Variants in TMED5 observed in about 807,000 individuals in gnomAD.
The protein encoded by TMED5 is transmembrane emp24 domain-containing protein 5.
A neutral mutation model predicts 23.0 loss-of-function variants in TMED5; 27 were observed. The observed-to-expected ratio is 1.17, with a 90% CI of 0.86 to 1.62. The LOEUF (loss-of-function observed/expected upper bound fraction) is 1.62, where lower values mean the gene tolerates loss of function less well. Ranked by LOEUF, TMED5 falls within the 40% of genes most tolerant of loss-of-function variation. The pLI is 0.00. For synonymous variants in TMED5, 97 were observed against 100.8 expected (o/e 0.96, Z 0.23); for missense variants, 248 against 273.7 (o/e 0.91, Z 0.66).
At chr1:93,159,178 T>C (rs1347424529) in intron 2 of TMED5, among the ~76,000 whole-genome samples, 1 of 152,168 alleles carries the variant, frequency 6.6e-6, no homozygotes, top group Non-Finnish European at 1.5e-5. Context: ...CTTACAATAG[T>C]GTTATGTACC....
chr1:93,175,201 A>ATATATATATATATATATAT (rs71094238), intron 1 of TMED5, among the ~76,000 whole-genome samples: 60 of 141,308 alleles, frequency 4.2e-4, no homozygotes, highest in African/African-American at 1.5e-3. Context: ...ATATATATAT[A>ATATATATATATATATATAT]AATGGACCTC....
intron 1 of TMED5, among the ~76,000 whole-genome samples, chr1:93,163,999 C>T (rs996931534): frequency 5.5e-5 from 8 of 145,744 alleles, no homozygotes; most frequent in Non-Finnish European, 9.0e-5. Context: ...AAAAAAAAAG[C>T]CATAATCTGG....
chr1:93,174,161 G>C (rs368636774), intron 1 of TMED5, among the ~76,000 whole-genome samples: 38 of 151,906 alleles, frequency 2.5e-4, no homozygotes, highest in African/African-American at 8.7e-4. Context: ...TTTAAGAGAT[G>C]GTGTTTCACC....
rs542334895 is a variant in TMED5 at position 93,154,111 on chromosome 1, A to T, written c.*559T>A. On this transcript the variant is annotated 3_prime_UTR_variant, in exon 4 of 4. Transcript: ENST00000370282. ...CACTGAAATGTATTTGGTTATAAAA[A>T]TCTCAAAAACCTAATTGTATTTCAA... The T allele has an allele frequency of 8.2e-4, 125 of 152,902 alleles. 2 individuals are homozygous for T. Among genetic ancestry groups the T allele is most frequent in the Non-Finnish European group, 1.5e-4 (10 of 68,144 alleles). 9.5% of individuals were successfully genotyped at this position (152,902 alleles called of 1,614,324 possible). A position where few individuals can be genotyped will look rare whatever the true frequency, so the allele number is the denominator to read the frequency against.
intron 1 of TMED5, among the ~76,000 whole-genome samples, chr1:93,177,447 A>C (rs1648955151): frequency 6.6e-6 from 1 of 151,924 alleles, no homozygotes; most frequent in Non-Finnish European, 1.5e-5. Context: ...GTGTGGTGGC[A>C]CATGCCTGTA....
Position 93,180,314 on chromosome 1 carries a change from A to C in TMED5, c.-72T>G. The C allele has an allele frequency of 6.7e-7, 1 of 1,483,062 alleles. No homozygotes were observed. Among genetic ancestry groups the C allele is most frequent in the South Asian group, 1.3e-5 (1 of 79,854 alleles). The allele number at this position is 1,483,062 out of a possible 1,614,324, so 91.9% of individuals were successfully genotyped here. On this transcript the variant is annotated 5_prime_UTR_variant, in exon 1 of 4. Transcript: ENST00000370282. ...TCTCCGCTCCGCGTTTCCTCTCTGG[A>C]CTCCTCGTGGTTGACAGGGAAATCT...
At chr1:93,177,746 AT>A (rs1387444262) in intron 1 of TMED5, among the ~76,000 whole-genome samples, 8 of 152,146 alleles carry the variant, frequency 5.3e-5, no homozygotes, top group Non-Finnish European at 1.2e-4. Flanking sequence ...ATCTATGAGC[AT>A]TTTTTAATAG....
At chr1:93,167,334 A>T (rs886201939) in intron 1 of TMED5, among the ~76,000 whole-genome samples, 48 of 152,292 alleles carry the variant, frequency 3.2e-4, no homozygotes, top group Middle Eastern at 3.4e-3. Context: ...ATTGCACTGA[A>T]TCTGTAGATT....
intron 1 of TMED5, among the ~76,000 whole-genome samples, chr1:93,179,047 C>A (rs1649092763): frequency 6.6e-6 from 1 of 152,068 alleles, no homozygotes; most frequent in South Asian, 2.1e-4. Context: ...TAATTCCCAG[C>A]AAGAATATTA....
chr1:93,160,364 G>T (rs1392104879), intron 1 of TMED5, 138 bp from the exon 2 acceptor site: 1 of 519,682 alleles, frequency 1.9e-6, no homozygotes, highest in East Asian at 2.9e-5. Flanking sequence ...AGCTAGAAAA[G>T]AACCAAAAGA....
At chr1:93,175,175 T>TTTTATATATATATATATA (rs1553160148) in intron 1 of TMED5, among the ~76,000 whole-genome samples, 1 of 119,872 alleles carries the variant, frequency 8.3e-6, no homozygotes, top group African/African-American at 4.0e-5. Context: ...TAAAAGCCAT[T>TTTTATATATATATATATA]TATATATATA....
At chr1:93,169,868 T>G (rs1648643499) in intron 1 of TMED5, among the ~76,000 whole-genome samples, 1 of 141,310 alleles carries the variant, frequency 7.1e-6, no homozygotes, top group African/African-American at 2.7e-5. Flanking sequence ...GGCAGCAAAG[T>G]GAGACCCTGT....
intron 1 of TMED5, among the ~76,000 whole-genome samples, chr1:93,172,371 T>C (rs1234836003): frequency 1.3e-5 from 2 of 152,010 alleles, no homozygotes; most frequent in Admixed American, 1.3e-4. Flanking sequence ...CAGTATACAA[T>C]ATTAACATAC....
chr1:93,158,955 CTT>C (rs751405344), intron 2 of TMED5: 40 of 569,388 alleles, frequency 7.0e-5, no homozygotes, highest in Non-Finnish European at 8.9e-5. Context: ...CTATTTCTAT[CTT>C]ATTTAGTAAT....
Position 93,156,290 on chromosome 1 carries a change from C to G in TMED5, c.471+10G>C, listed in dbSNP as rs1445016890. 1 of 1,610,156 alleles carries G rather than the reference C, an allele frequency of 6.2e-7. No individual in the cohort carries two copies. Among genetic ancestry groups the G allele is most frequent in the African/African-American group, 1.3e-5 (1 of 74,788 alleles). On this transcript the variant is annotated intron_variant, in intron 3 of 3. Coordinates refer to ENST00000370282, the MANE Select transcript of TMED5 (RefSeq NM_016040.5). Reference sequence around the variant, plus strand: ...TAATAATTTTTATTTTATTAGAAGACCATACTGACCAGGATGTCTTCCAGT... The same window carrying G: ...TAATAATTTTTATTTTATTAGAAGAGCATACTGACCAGGATGTCTTCCAGT...
intron 1 of TMED5, among the ~76,000 whole-genome samples, chr1:93,168,978 A>T (rs1400089891): frequency 6.6e-6 from 1 of 152,186 alleles, no homozygotes; most frequent in East Asian, 1.9e-4. Flanking sequence ...ACAAGAAGAA[A>T]CAGAAAATCA....
chr1:93,163,907 C>T (rs1352118255), intron 1 of TMED5, among the ~76,000 whole-genome samples: 7 of 148,872 alleles, frequency 4.7e-5, no homozygotes, highest in African/African-American at 1.2e-4. Flanking sequence ...TGCTTGAGCC[C>T]GGGAGGCAGA....
At chr1:93,158,210 C>T (rs1372963938) in intron 2 of TMED5, among the ~76,000 whole-genome samples, 1 of 151,988 alleles carries the variant, frequency 6.6e-6, no homozygotes. Context: ...CTGGCTTTGC[C>T]GTTCACTAGC....
chr1:93,166,404 T>C (rs757666069), intron 1 of TMED5, among the ~76,000 whole-genome samples: 4 of 152,238 alleles, frequency 2.6e-5, no homozygotes, highest in Non-Finnish European at 5.9e-5. Flanking sequence ...GGTTCCCTTT[T>C]CTCCACATTC....
Sources: gnomAD v4.1 joint callset for allele counts (sites outside exome capture counted in the v4.1 genomes callset) on GRCh38, gnomAD v4.1.1 for gene constraint, MANE v1.5 for transcripts, NCBI Gene and HGNC (gene_info 2026-07-23, HGNC 2026-07-21) for gene names.